Variants in TLK1 observed in about 807,000 individuals in gnomAD.
TLK1 encodes tousled like kinase 1.
Under a neutral mutation model 105.3 loss-of-function variants are expected in TLK1, and 24 were observed. That is an observed-to-expected ratio of 0.23 (90% CI 0.17 to 0.32). The LOEUF (loss-of-function observed/expected upper bound fraction) is 0.32. Among genes scored for constraint, TLK1 ranks in the 10% least tolerant of loss-of-function variants. The probability of loss-of-function intolerance (pLI) is 1.00; values close to 1 mark genes in which losing one functional copy is unlikely to be tolerated. For synonymous variants in TLK1, 321 were observed against 310.4 expected, an observed-to-expected ratio of 1.03 and a Z score of -0.36; for missense variants, 558 against 910.5, an observed-to-expected ratio of 0.61 and a Z score of 4.98.
intron 1 of TLK1, among the ~76,000 whole-genome samples, chr2:171,194,156 T>C (rs1000237798): frequency 6.6e-6 from 1 of 152,200 alleles, no homozygotes; most frequent in Non-Finnish European, 1.5e-5. Flanking sequence ...AAGAAATATA[T>C]TTCTTTAAGC....
intron 1 of TLK1, among the ~76,000 whole-genome samples, chr2:171,187,593 C>T (rs1190051513): frequency 6.6e-6 from 1 of 152,198 alleles, no homozygotes; most frequent in Non-Finnish European, 1.5e-5. Context: ...CACAAAATCA[C>T]TTCAGTCAAG....
chr2:171,222,392 C>T (rs12473480), intron 1 of TLK1, among the ~76,000 whole-genome samples: 1,847 of 152,070 alleles, frequency 0.012, 38 homozygotes, highest in Admixed American at 0.045. Flanking sequence ...TGGAGTGGGA[C>T]GATCACAGCT....
chr2:171,160,309 T>G lies in TLK1; in HGVS notation c.120A>C (p.Pro40=). 2 of 1,586,768 alleles carry G rather than the reference T, an allele frequency of 1.3e-6. No individual in the cohort carries two copies. Among genetic ancestry groups the G allele is most frequent in the African/African-American group, 1.4e-5 (1 of 71,940 alleles). ...AARSLLNHTP[P]SGRPREGAMD... ...GCTTACCTTCCCTGGGCCTCCCGGA[T>G]GGCGGCGTGTGATTCAGCAGGGACC... The change falls in exon 1 of 21, where the codon CCA becomes CCC. Residue 40 remains proline, a synonymous_variant. Coordinates refer to ENST00000431350, the MANE Select transcript of TLK1 (RefSeq NM_012290.5). This position sits in a 1 kb window ranked among gnomAD's most constrained non-coding sequence, Gnocchi z 4.4.
chr2:171,050,234 T>C lies in TLK1; in HGVS notation c.733-60A>G, dbSNP rs1409514558. ...CTGGGGAATATGAAAAGCTTAGAAA[T>C]AGTTTTAATGTTCTAAATAAATTAT... On this transcript the variant is annotated intron_variant, in intron 8 of 20. Transcript: ENST00000431350. The C allele has an allele frequency of 1.0e-5, 12 of 1,188,626 alleles. No individual in the cohort carries two copies. In the East Asian group the frequency reaches 1.0e-4, roughly 10 times the overall value. 73.6% of individuals were successfully genotyped at this position (1,188,626 alleles called of 1,614,324 possible).
At chr2:171,034,113 A>G (rs564615021) in intron 11 of TLK1, among the ~76,000 whole-genome samples, 2 of 152,334 alleles carry the variant, frequency 1.3e-5, no homozygotes, top group East Asian at 1.9e-4. Flanking sequence ...TTAAAATGGC[A>G]AAGTAAAAAG....
chr2:171,084,627 G>T (rs1414528530), intron 2 of TLK1, among the ~76,000 whole-genome samples: 1 of 152,008 alleles, frequency 6.6e-6, no homozygotes, highest in African/African-American at 2.4e-5. Flanking sequence ...AATTATGCAG[G>T]TCATAAAGGT....
At position 171,225,245 on chromosome 2, in the gene TLK1, G is replaced by A. The variant is rs114564864; in HGVS notation, c.-6+5900C>T. On this transcript the variant is annotated intron_variant, in intron 1 of 20. Coordinates refer to the TLK1 transcript ENST00000521943. ...ACTTGCAAATCATATGTATAATAAG[G>A]GTCTTGTATGCAGAATATATAATAA... 3.9e-3 allele frequency among the ~76,000 whole-genome samples: 594 copies of A among 152,074 alleles called. 1 individual carries two copies. The highest frequency in any genetic ancestry group is 0.014 in the African/African-American group (561 of 41,474).
At chr2:171,056,635 A>T (rs796492179) in intron 5 of TLK1, 69 bp from the exon 6 acceptor site, 20 of 1,264,362 alleles carry the variant, frequency 1.6e-5, no homozygotes, top group Non-Finnish European at 1.5e-5. Flanking sequence ...CAGATATGAC[A>T]TTAAGAATTA....
In TLK1 at chr2:170,997,799, T is replaced by C; in HGVS notation, c.1929A>G (p.Val643=). The C allele has an allele frequency of 6.2e-7, 1 of 1,610,730 alleles. No homozygotes were observed. Among genetic ancestry groups the C allele is most frequent in the Non-Finnish European group, 8.5e-7 (1 of 1,178,054 alleles). Residue 643 remains valine, a synonymous_variant, in exon 19 of 21, where the codon GTA becomes GTG. Coordinates refer to ENST00000431350, the MANE Select transcript of TLK1 (RefSeq NM_012290.5). Reference sequence around the variant, plus strand: ...AAATCTTTGGTGGCTCTTTTCCAACTACAAAACACTCAGGAGGTAAATACC... The same window carrying C: ...AAATCTTTGGTGGCTCTTTTCCAACCACAAAACACTCAGGAGGTAAATACC... ...TYWYLPPECF[V]VGKEPPKISN... is the part of the protein sequence containing the mutation.
chr2:171,003,217 T>C (rs1684473611), intron 18 of TLK1, among the ~76,000 whole-genome samples: 1 of 128,000 alleles, frequency 7.8e-6, no homozygotes, highest in Non-Finnish European at 1.5e-5. Context: ...GAGCTTGCAG[T>C]GAGCCGAGAT....
chr2:171,079,455 T>C lies in TLK1; in HGVS notation c.330+3326A>G, dbSNP rs114770075. ...CACTGATTTCATTTGAAGGCAGGGA[T>C]TGTATCCTATTCATCTTTATATTCT... On this transcript the variant is annotated intron_variant, in intron 3 of 20. Transcript: ENST00000431350. Among the ~76,000 whole-genome samples the C allele has an allele frequency of 5.0e-3, 761 of 152,330 alleles. 6 individuals are homozygous for C. The highest frequency in any genetic ancestry group is 0.017 in the African/African-American group (707 of 41,564).
At chr2:171,182,964 A>G (rs1692955786) in intron 1 of TLK1, among the ~76,000 whole-genome samples, 1 of 151,538 alleles carries the variant, frequency 6.6e-6, no homozygotes, top group Admixed American at 6.6e-5. Context: ...AGAAAGAAAG[A>G]AAGAACATTA....
intron 1 of TLK1, among the ~76,000 whole-genome samples, chr2:171,147,607 CTGTT>C (rs1166840187): frequency 6.6e-6 from 1 of 152,130 alleles, no homozygotes; most frequent in Non-Finnish European, 1.5e-5. Context: ...GTTTTCCTCT[CTGTT>C]TATGTGGCAA....
upstream of TLK1, chr2:171,160,969 G>GGCGGCGGCGGCGGCGGCGGCGGCA (rs1692475801): frequency 5.4e-6 from 1 of 184,872 alleles, no homozygotes; most frequent in Non-Finnish European, 1.0e-5. The surrounding 1 kb of genome is among the most constrained non-coding windows in gnomAD (Gnocchi z 4.4). Flanking sequence ...CTCCGGTAGC[G>GGCGGCGGCGGCGGCGGCGGCGGCA]GCGGCGGCGG....
intron 1 of TLK1, among the ~76,000 whole-genome samples, chr2:171,133,604 A>C (rs578155902): frequency 7.2e-5 from 11 of 152,208 alleles, no homozygotes; most frequent in Middle Eastern, 3.4e-3. Context: ...GTCTAAAATA[A>C]TATAAAATAA....
chr2:171,143,162 T>G (rs1051265745), intron 1 of TLK1, among the ~76,000 whole-genome samples: 2 of 152,144 alleles, frequency 1.3e-5, no homozygotes, highest in Non-Finnish European at 2.9e-5. Flanking sequence ...TTACTGAAAG[T>G]AAGGAAATGA....
intron 1 of TLK1, among the ~76,000 whole-genome samples, chr2:171,173,253 T>C (rs942524959): frequency 1.3e-5 from 2 of 152,194 alleles, no homozygotes; most frequent in Non-Finnish European, 2.9e-5. Flanking sequence ...TAGAATAACA[T>C]AACTAAAAAG....
intron 11 of TLK1, among the ~76,000 whole-genome samples, chr2:171,037,441 CAA>C (rs34547550): frequency 8.4e-6 from 1 of 118,566 alleles, no homozygotes; most frequent in Non-Finnish European, 1.7e-5. Flanking sequence ...AACTCCGTCT[CAA>C]AAAAAAAAAA....
At chr2:171,112,402 T>C (rs146525490) in intron 2 of TLK1, among the ~76,000 whole-genome samples, 2 of 152,304 alleles carry the variant, frequency 1.3e-5, no homozygotes. Context: ...AAAAAAGACT[T>C]TCATAAGTTC....
Sources: gnomAD v4.1 joint callset for allele counts (sites outside exome capture counted in the v4.1 genomes callset) on GRCh38, gnomAD v4.1.1 for gene constraint, Gnocchi (gnomAD v3.1) non-coding constraint, MANE v1.5 for transcripts, NCBI Gene and HGNC (gene_info 2026-07-23, HGNC 2026-07-21) for gene names.